Variants in NRXN2 observed in about 807,000 individuals in gnomAD.
NRXN2 encodes neurexin-2-beta.
A neutral mutation model predicts 128.8 loss-of-function variants in NRXN2; 29 were observed. The observed-to-expected ratio is 0.23, with a 90% CI of 0.17 to 0.31. NRXN2 has a LOEUF of 0.31. NRXN2 is among the 10% of genes least tolerant of loss of function. The pLI is 1.00. For missense variants in NRXN2, 1,881 were observed against 2,452.6 expected, an observed-to-expected ratio of 0.77 and a Z score of 4.92; for synonymous variants, 1,098 against 1,075.2, an observed-to-expected ratio of 1.02 and a Z score of -0.41.
chr11:64,613,218 C>T (rs1026116562), intron 22 of NRXN2, among the ~76,000 whole-genome samples: 3 of 152,262 alleles, frequency 2.0e-5, no homozygotes, highest in African/African-American at 4.8e-5. Context: ...GTATGTGAAC[C>T]TAGATGGATC....
chr11:64,677,071 G>C (rs769212822), intron 6 of NRXN2, 34 bp from the exon 7 acceptor site: 3 of 1,295,412 alleles, frequency 2.3e-6, no homozygotes, highest in Non-Finnish European at 3.1e-6. Flanking sequence ...GGGGAGGAGG[G>C]GGGTGTCAAA....
intron 7 of NRXN2, among the ~76,000 whole-genome samples, chr11:64,674,619 A>T (rs1183532043): frequency 1.3e-5 from 2 of 152,168 alleles, no homozygotes; most frequent in Non-Finnish European, 2.9e-5. Flanking sequence ...CCAATTCCTG[A>T]AGCATTCTAG....
At chr11:64,695,166 C>T (rs1016318165) in intron 3 of NRXN2, among the ~76,000 whole-genome samples, 2 of 152,080 alleles carry the variant, frequency 1.3e-5, no homozygotes, top group African/African-American at 2.4e-5. Context: ...AATCTCTGCT[C>T]CCTCCTCCTG....
Position 64,691,899 on chromosome 11 carries a change from T to C in NRXN2, c.778+948A>G, listed in dbSNP as rs1447716583. The stretch of plus-strand genomic sequence containing the variant: ...GGCTAAGGACCCCACTCTGTTCCTC[T>C]GTAAGATGACCCCCCCACAGAGGGC... On this transcript the variant is annotated intron_variant, in intron 4 of 22. Coordinates refer to ENST00000265459, the MANE Select transcript of NRXN2 (RefSeq NM_015080.4). Among the ~76,000 whole-genome samples the C allele has an allele frequency of 7.2e-5, 11 of 152,208 alleles. No homozygotes were observed. In the East Asian group the frequency reaches 1.9e-3, roughly 27 times the overall value.
chr11:64,664,043 G>T (rs189141512), intron 9 of NRXN2, among the ~76,000 whole-genome samples: 1 of 152,206 alleles, frequency 6.6e-6, no homozygotes, highest in African/African-American at 2.4e-5. Context: ...TAAGAGGAGA[G>T]GGAATAGGGA....
chr11:64,692,561 A>G (rs540104512), intron 4 of NRXN2, among the ~76,000 whole-genome samples: 1 of 152,362 alleles, frequency 6.6e-6, no homozygotes, highest in African/African-American at 2.4e-5. Context: ...CAGGAGTTCA[A>G]ACATCTCTTG....
chr11:64,647,453 T>A (rs993780067), intron 17 of NRXN2, among the ~76,000 whole-genome samples: 2 of 152,152 alleles, frequency 1.3e-5, no homozygotes, highest in Non-Finnish European at 2.9e-5. Flanking sequence ...GCCCTCCCTC[T>A]GCAGGGCTCT....
At position 64,685,663 on chromosome 11, in the gene NRXN2, T is replaced by C. The variant is rs1401086875; in HGVS notation, c.1135A>G (p.Thr379Ala). 1.2e-6 allele frequency: 2 copies of C among 1,614,196 alleles called. No homozygotes were observed. Among genetic ancestry groups the C allele is most frequent in the East Asian group, 4.5e-5 (2 of 44,868 alleles). ...NDNAWHDVRV[T>A]RNLRQHAGIG... ...CCTCCTACCTGGCGCAGGTTTCGGG[T>C]GACCCGGACGTCGTGCCAGGCGTTG... Residue 379 changes from threonine to alanine, a missense_variant, in exon 6 of 23, where the codon ACC (threonine) becomes GCC (alanine). This residue lies in a region of NRXN2 where 997 missense variants were observed against 1,240.8 expected (regional missense o/e 0.80). Transcript: ENST00000265459.
At chr11:64,688,840 T>G (rs2053446620) in intron 5 of NRXN2, 1 of 981,978 alleles carries the variant, frequency 1.0e-6, no homozygotes. Flanking sequence ...CTCCCAGACC[T>G]CCTCTGGGAA....
rs547537054 is a variant in NRXN2, at chr11:64,703,300, T to TA, written c.731-5509dup. Among the ~76,000 whole-genome samples the TA allele has an allele frequency of 4.1e-4, 62 of 152,296 alleles. 1 individual carries two copies. In the South Asian group the frequency reaches 8.9e-3, roughly 22 times the overall value. On this transcript the variant is annotated intron_variant, in intron 2 of 22. Transcript: ENST00000265459. ...AATAATAAAAATAACACTTTGCATA[T>TA]ACTGAGCACTTAGGGTGTGCCTGGC... is the stretch of plus-strand genomic sequence containing the variant.
In NRXN2 at chr11:64,647,200, C is replaced by T. The variant is rs143508504; in HGVS notation, c.3403+1019G>A. ...GTATTCCATGTCTGTAAAATGGAGA[C>T]GCTTCGTTGTGTGTGTGTGTGTGTG... On this transcript the variant is annotated intron_variant, in intron 17 of 22. Coordinates refer to ENST00000265459, the MANE Select transcript of NRXN2 (RefSeq NM_015080.4). Among the ~76,000 whole-genome samples, 115 of 146,756 alleles carry T rather than the reference C, an allele frequency of 7.8e-4. 1 individual carries two copies. The East Asian group carries it at 0.018, about 23-fold the overall frequency.
chr11:64,664,857 G>A (rs2049574840), intron 9 of NRXN2, among the ~76,000 whole-genome samples: 1 of 152,044 alleles, frequency 6.6e-6, no homozygotes, highest in Non-Finnish European at 1.5e-5. Flanking sequence ...AGGTGTGGTG[G>A]CATGCCCCTA....
chr11:64,651,213 G>A lies in NRXN2; in HGVS notation c.2918+42C>T. The A allele has an allele frequency of 6.2e-7, 1 of 1,612,342 alleles. No homozygotes were observed. The highest frequency in any genetic ancestry group is 8.5e-7 in the Non-Finnish European group (1 of 1,179,854). Reference sequence around the variant, plus strand: ...GCTGTATGTGGTTCAGCAGGGGGAGGGGGCCACCTCCTTGACAGCAGTGCA... The same window carrying A: ...GCTGTATGTGGTTCAGCAGGGGGAGAGGGCCACCTCCTTGACAGCAGTGCA... On this transcript the variant is annotated intron_variant, in intron 14 of 22. Transcript: ENST00000265459. The surrounding 1 kb of genome is among the most constrained non-coding windows in gnomAD (Gnocchi z 5.9).
rs71579867 is a variant in NRXN2 at position 64,626,485 on chromosome 11, T to G, written c.3825A>C (p.Val1275=). Residue 1275 remains valine, a synonymous_variant, in exon 20 of 23, where the codon GTA becomes GTC. Coordinates refer to ENST00000265459, the MANE Select transcript of NRXN2 (RefSeq NM_015080.4). ...TACCTTTGTCGAGCAGCCACTCATCTACTACTCGACCAAGCCGGTAGGGGA... is the reference window on the plus strand; with the variant it reads ...TACCTTTGTCGAGCAGCCACTCATCGACTACTCGACCAAGCCGGTAGGGGA... ...QRIPYRLGRV[V]DEWLLDKGRQ... 9 of 1,613,264 alleles carry G rather than the reference T, an allele frequency of 5.6e-6. No individual in the cohort carries two copies. The Middle Eastern group carries it at 4.9e-4, about 88-fold the overall frequency.
intron 2 of NRXN2, among the ~76,000 whole-genome samples, chr11:64,711,980 C>G (rs536813038): frequency 6.6e-6 from 1 of 152,232 alleles, no homozygotes; most frequent in Non-Finnish European, 1.5e-5. Context: ...AGCGTCCTCA[C>G]GCCTAGGCCC....
At chr11:64,619,099 C>T (rs2041946794) in intron 22 of NRXN2, among the ~76,000 whole-genome samples, 1 of 152,134 alleles carries the variant, frequency 6.6e-6, no homozygotes, top group African/African-American at 2.4e-5. Context: ...AGGATGTATC[C>T]AGGGCTCACT....
intron 17 of NRXN2, among the ~76,000 whole-genome samples, chr11:64,639,766 C>A (rs1426946863): frequency 6.6e-6 from 1 of 151,908 alleles, no homozygotes; most frequent in Non-Finnish European, 1.5e-5. Flanking sequence ...ACAGTGAGAC[C>A]CCAAAAGAAG....
Position 64,631,162 on chromosome 11 carries a change from G to A in NRXN2, c.3586-589C>T, listed in dbSNP as rs1317636069. ...AAAGTAGGTCAGGCTCTGAGTGTGG[G>A]GGTGGACCCTCTGCAGCCATGGGGG... is the stretch of plus-strand genomic sequence containing the variant. On this transcript the variant is annotated intron_variant, in intron 18 of 22. Coordinates refer to ENST00000265459, the MANE Select transcript of NRXN2 (RefSeq NM_015080.4). The surrounding 1 kb of genome is among the most constrained non-coding windows in gnomAD (Gnocchi z 4.8). Among the ~76,000 whole-genome samples, 1 of 152,208 alleles carries A rather than the reference G, an allele frequency of 6.6e-6. No individual in the cohort carries two copies. Among genetic ancestry groups the A allele is most frequent in the East Asian group, 1.9e-4 (1 of 5,184 alleles).
intron 2 of NRXN2, among the ~76,000 whole-genome samples, chr11:64,712,467 A>C (rs1248186594): frequency 1.9e-5 from 2 of 108,072 alleles, no homozygotes; most frequent in Admixed American, 9.6e-5. Flanking sequence ...CCCCACCCAC[A>C]CTGGCCTTTC....
Sources: gnomAD v4.1 joint callset for allele counts (sites outside exome capture counted in the v4.1 genomes callset) on GRCh38, gnomAD v4.1.1 for gene constraint, gnomAD v4.1.1 regional missense constraint, Gnocchi (gnomAD v3.1) non-coding constraint, MANE v1.5 for transcripts, NCBI Gene and HGNC (gene_info 2026-07-23, HGNC 2026-07-21) for gene names.